Variants in PDZRN3 observed in about 807,000 individuals in gnomAD.
The protein encoded by PDZRN3 is E3 ubiquitin-protein ligase PDZRN3.
In PDZRN3, 38 loss-of-function variants were observed where a neutral mutation model predicts 85.7. The observed-to-expected ratio is 0.44, with a 90% CI of 0.34 to 0.58. The LOEUF is 0.58. Among genes scored for constraint, PDZRN3 ranks in the 20% least tolerant of loss-of-function variants. The pLI, the probability that PDZRN3 is intolerant of heterozygous loss-of-function variation, is 0.01. For missense variants in PDZRN3, 1,629 were observed against 1,506.4 expected (o/e 1.08, Z -1.35); for synonymous variants, 759 against 638.0 (o/e 1.19, Z -2.86).
At chr3:73,584,452 G>GGT (rs56393203) in intron 3 of PDZRN3, among the ~76,000 whole-genome samples, 1,089 of 83,948 alleles carry the variant, frequency 0.013, 11 homozygotes, top group Non-Finnish European at 0.017. Context: ...TTCATTTAAT[G>GGT]GTGTGTGTGT....
chr3:73,568,471 G>A (rs1701987028), intron 3 of PDZRN3, among the ~76,000 whole-genome samples: 1 of 152,148 alleles, frequency 6.6e-6, no homozygotes, highest in Admixed American at 6.5e-5. Flanking sequence ...GAGATACCTG[G>A]AGATCCAAAG....
At chr3:73,453,404 C>CAAAAAAA (rs1184407369) in intron 3 of PDZRN3, among the ~76,000 whole-genome samples, 3 of 97,524 alleles carry the variant, frequency 3.1e-5, no homozygotes, top group African/African-American at 1.1e-4. Flanking sequence ...GACTTCGTCT[C>CAAAAAAA]AAAAAAAAAA....
At position 73,499,952 on chromosome 3, in the gene PDZRN3, A is replaced by G. The variant is rs1459221442; in HGVS notation, c.919-95557T>C. On this transcript the variant is annotated intron_variant, in intron 3 of 9. Coordinates refer to ENST00000263666, the MANE Select transcript of PDZRN3 (RefSeq NM_015009.3). ...CAGAAAGCCTGGTGGATATTAGCTA[A>G]TATTATTGTTGTGGTTGTTATTGCT... 3.9e-5 allele frequency among the ~76,000 whole-genome samples: 6 copies of G among 152,196 alleles called. No homozygotes were observed. The East Asian group carries it at 1.2e-3, about 29-fold the overall frequency.
intron 3 of PDZRN3, among the ~76,000 whole-genome samples, chr3:73,439,225 T>A (rs1411254538): frequency 6.6e-6 from 1 of 152,172 alleles, no homozygotes; most frequent in Admixed American, 6.5e-5. Flanking sequence ...AAATTCAGCA[T>A]CAGATACATA....
intron 3 of PDZRN3, among the ~76,000 whole-genome samples, chr3:73,572,260 C>T (rs1425360561): frequency 2.6e-5 from 4 of 152,190 alleles, no homozygotes; most frequent in Admixed American, 6.5e-5. Context: ...TGGTTTTCTT[C>T]CTTTATCTCT....
chr3:73,491,674 C>T (rs1473797830), intron 3 of PDZRN3, among the ~76,000 whole-genome samples: 1 of 147,666 alleles, frequency 6.8e-6, no homozygotes, highest in African/African-American at 2.5e-5. Context: ...TCATAGCTCA[C>T]TGCAGCCTTG....
chr3:73,601,400 C>T lies in PDZRN3; in HGVS notation c.918+954G>A, dbSNP rs372898521. ...GTGGAAAACAAACACCCACTGGTAT[C>T]GGTGCTGTTTTTCTGGTTTCTTCTA... is the stretch of plus-strand genomic sequence containing the variant. On this transcript the variant is annotated intron_variant, in intron 3 of 9. Transcript: ENST00000263666. Among the ~76,000 whole-genome samples, 60 of 152,296 alleles carry T rather than the reference C, an allele frequency of 3.9e-4. No homozygotes were observed. In the South Asian group the frequency reaches 0.011, roughly 29 times the overall value.
intron 3 of PDZRN3, among the ~76,000 whole-genome samples, chr3:73,588,283 A>G (rs1575752594): frequency 6.6e-6 from 1 of 152,194 alleles, no homozygotes; most frequent in South Asian, 2.1e-4. Context: ...TTATGGCTGC[A>G]TAGTATTCCA....
chr3:73,394,532 A>G (rs1349669377), intron 5 of PDZRN3, among the ~76,000 whole-genome samples: 3 of 152,190 alleles, frequency 2.0e-5, no homozygotes, highest in Non-Finnish European at 4.4e-5. Context: ...CTGTGTTATC[A>G]AAGGATGAGT....
Position 73,383,290 on chromosome 3 carries a change from G to A in PDZRN3, c.*75C>T. On this transcript the variant is annotated 3_prime_UTR_variant, in exon 10 of 10. Transcript: ENST00000263666. ...GTACTTATCTTATATACAAAAACTT[G>A]CCGCATTGAACGAGGCAGGAATTTC... The A allele has an allele frequency of 1.5e-6, 2 of 1,372,092 alleles. No individual in the cohort carries two copies. The highest frequency in any genetic ancestry group is 2.0e-6 in the Non-Finnish European group (2 of 1,000,396). 85.0% of individuals were successfully genotyped at this position (1,372,092 alleles called of 1,614,324 possible).
At chr3:73,485,139 G>A (rs1313418969) in intron 3 of PDZRN3, among the ~76,000 whole-genome samples, 2 of 151,892 alleles carry the variant, frequency 1.3e-5, no homozygotes, top group African/African-American at 2.4e-5. Context: ...TGAAATATTA[G>A]GTCGGTGCAA....
chr3:73,541,350 C>T (rs1704917229), intron 3 of PDZRN3, among the ~76,000 whole-genome samples: 1 of 152,168 alleles, frequency 6.6e-6, no homozygotes, highest in African/African-American at 2.4e-5. Context: ...ATATAGCTAA[C>T]ATTTATTGAG....
At chr3:73,471,360 C>A (rs982267866) in intron 3 of PDZRN3, among the ~76,000 whole-genome samples, 2 of 152,140 alleles carry the variant, frequency 1.3e-5, no homozygotes, top group Non-Finnish European at 2.9e-5. Flanking sequence ...GGGTTTCTAG[C>A]CTTCAGAACT....
At chr3:73,496,843 G>A (rs1165790908) in intron 3 of PDZRN3, among the ~76,000 whole-genome samples, 1 of 152,048 alleles carries the variant, frequency 6.6e-6, no homozygotes, top group Non-Finnish European at 1.5e-5. Flanking sequence ...TCAATAGCTC[G>A]CTGACCATTA....
intron 3 of PDZRN3, among the ~76,000 whole-genome samples, chr3:73,593,474 A>G (rs1236550043): frequency 6.6e-6 from 1 of 152,180 alleles, no homozygotes; most frequent in East Asian, 1.9e-4. Flanking sequence ...AGAGGATGGG[A>G]GAGACACTCT....
chr3:73,615,721 A>C (rs570707254), intron 1 of PDZRN3, among the ~76,000 whole-genome samples: 1 of 152,316 alleles, frequency 6.6e-6, no homozygotes, highest in Non-Finnish European at 1.5e-5. Context: ...TTTATAAGCT[A>C]TCCAATTTCT....
At chr3:73,437,705 T>C (rs568564020) in intron 3 of PDZRN3, among the ~76,000 whole-genome samples, 2 of 152,306 alleles carry the variant, frequency 1.3e-5, no homozygotes, top group Non-Finnish European at 2.9e-5. Flanking sequence ...AAACAAGACA[T>C]ACCAAAGTGA....
intron 3 of PDZRN3, among the ~76,000 whole-genome samples, chr3:73,570,225 A>G (rs1430727825): frequency 6.6e-6 from 1 of 152,148 alleles, no homozygotes; most frequent in African/African-American, 2.4e-5. Context: ...TATTTCTCAA[A>G]TGAATGAATG....
At chr3:73,622,367 CACAGGCCCTT>C (rs1702880668) in intron 1 of PDZRN3, among the ~76,000 whole-genome samples, 1 of 152,226 alleles carries the variant, frequency 6.6e-6, no homozygotes, top group African/African-American at 2.4e-5. Flanking sequence ...GCAAAGCAGA[CACAGGCCCTT>C]GGGGGAGCCT....
Sources: gnomAD v4.1 joint callset for allele counts (sites outside exome capture counted in the v4.1 genomes callset) on GRCh38, gnomAD v4.1.1 for gene constraint, MANE v1.5 for transcripts, NCBI Gene and HGNC (gene_info 2026-07-23, HGNC 2026-07-21) for gene names.